The following ERBB4 variants were observed in gnomAD, a reference collection of about 807,000 sequenced individuals.
The protein encoded by ERBB4 is erb-b2 receptor tyrosine kinase 4.
Under a neutral mutation model 158.0 loss-of-function variants are expected in ERBB4, and 42 were observed. The ratio of observed to expected loss-of-function variants is 0.27; its 90% CI spans 0.21 to 0.34. The LOEUF is 0.34. ERBB4 is among the 10% of genes least tolerant of loss of function. ERBB4 has a pLI of 1.00. For missense variants in ERBB4, 1,333 were observed against 1,624.1 expected (o/e 0.82, Z 3.08); for synonymous variants, 583 against 558.7 (o/e 1.04, Z -0.61).
intron 1 of ERBB4, among the ~76,000 whole-genome samples, chr2:212,163,351 C>G (rs540048401): frequency 4.0e-5 from 6 of 151,730 alleles, no homozygotes; most frequent in South Asian, 2.1e-4. Flanking sequence ...AGGCACTATT[C>G]ATTAATAAGG....
intron 4 of ERBB4, among the ~76,000 whole-genome samples, chr2:211,772,957 T>TATATATA (rs1265057935): frequency 3.1e-4 from 35 of 113,880 alleles, no homozygotes; most frequent in African/African-American, 9.5e-4. Context: ...ATATATATAT[T>TATATATA]TTTTTTTTTA....
At chr2:211,526,162 C>T (rs2066343005) in intron 20 of ERBB4, among the ~76,000 whole-genome samples, 1 of 152,070 alleles carries the variant, frequency 6.6e-6, no homozygotes. Flanking sequence ...CTATGCTGGT[C>T]TCAGGTCTGA....
At chr2:211,669,318 C>T (rs987828688) in intron 14 of ERBB4, among the ~76,000 whole-genome samples, 3 of 151,370 alleles carry the variant, frequency 2.0e-5, no homozygotes, top group African/African-American at 7.3e-5. Flanking sequence ...TAAGCTACTG[C>T]AATATGGAGG....
chr2:212,222,804 G>A (rs2083339514), intron 1 of ERBB4, among the ~76,000 whole-genome samples: 1 of 151,356 alleles, frequency 6.6e-6, no homozygotes, highest in Non-Finnish European at 1.5e-5. Flanking sequence ...CGTGTTTAAT[G>A]TCTTTACCCC....
rs1387886091 is a variant in ERBB4, at chr2:211,971,132, G to A, written c.235-23516C>T. ...AGGATCTTATTTCTCTTTTGCTTAT[G>A]AAGCTTAGTTTGGTCATATATGAAA... On this transcript the variant is annotated intron_variant, in intron 2 of 27. Coordinates refer to ENST00000342788, the MANE Select transcript of ERBB4 (RefSeq NM_005235.3). 2.6e-5 allele frequency among the ~76,000 whole-genome samples: 4 copies of A among 152,244 alleles called. No homozygotes were observed. The East Asian group carries it at 7.7e-4, about 29-fold the overall frequency.
At chr2:212,128,834 G>A (rs2080021584) in intron 1 of ERBB4, among the ~76,000 whole-genome samples, 1 of 152,022 alleles carries the variant, frequency 6.6e-6, no homozygotes, top group Non-Finnish European at 1.5e-5. Flanking sequence ...AACATAAGGA[G>A]AAGAAGAAGA....
At chr2:211,752,505 A>G (rs2075162732) in intron 4 of ERBB4, among the ~76,000 whole-genome samples, 1 of 141,918 alleles carries the variant, frequency 7.0e-6, no homozygotes, top group African/African-American at 2.5e-5. Flanking sequence ...AAAAAAAAAA[A>G]GAAAAGAAAA....
At chr2:212,453,932 T>C (rs1271591906) in intron 1 of ERBB4, among the ~76,000 whole-genome samples, 2 of 143,200 alleles carry the variant, frequency 1.4e-5, no homozygotes, top group African/African-American at 5.3e-5. Flanking sequence ...GAAACAATAC[T>C]ATATTCCTTA....
At chr2:212,372,474 G>T (rs1336761742) in intron 1 of ERBB4, among the ~76,000 whole-genome samples, 1 of 152,102 alleles carries the variant, frequency 6.6e-6, no homozygotes. Context: ...GCCTGGCCAG[G>T]CGCGGTGGCT....
At chr2:211,887,070 C>T (rs919684828) in intron 3 of ERBB4, among the ~76,000 whole-genome samples, 4 of 152,156 alleles carry the variant, frequency 2.6e-5, no homozygotes, top group Non-Finnish European at 5.9e-5. Flanking sequence ...TAACTTTCCA[C>T]ATTACTTAAT....
chr2:211,449,942 A>C (rs1220833380), intron 20 of ERBB4, among the ~76,000 whole-genome samples: 2 of 152,236 alleles, frequency 1.3e-5, no homozygotes, highest in African/African-American at 2.4e-5. Context: ...ATGAACACTC[A>C]TCTAGCGCTT....
At chr2:212,256,814 C>A (rs1420197897) in intron 1 of ERBB4, among the ~76,000 whole-genome samples, 1 of 152,036 alleles carries the variant, frequency 6.6e-6, no homozygotes, top group Non-Finnish European at 1.5e-5. Flanking sequence ...GTAAATTTCC[C>A]AGATAAAATA....
Position 211,529,910 on chromosome 2 carries a change from A to G in ERBB4, c.2487+31993T>C, listed in dbSNP as rs554211336. On this transcript the variant is annotated intron_variant, in intron 20 of 27. Transcript: ENST00000342788. ...TCATACTGAAGGGAGAAAAACTGAA[A>G]GCCTTTTTCTCTAAGATTTGAAACG... 2.6e-5 allele frequency among the ~76,000 whole-genome samples: 4 copies of G among 152,238 alleles called. No homozygotes were observed. In the East Asian group the frequency reaches 7.7e-4, roughly 29 times the overall value.
At chr2:212,484,187 C>T (rs559855375) in intron 1 of ERBB4, among the ~76,000 whole-genome samples, 1 of 152,288 alleles carries the variant, frequency 6.6e-6, no homozygotes, top group South Asian at 2.1e-4. Context: ...TCTGGACCAT[C>T]ACTTGAAACC....
At chr2:212,107,579 G>T (rs1463914546) in intron 2 of ERBB4, among the ~76,000 whole-genome samples, 2 of 152,102 alleles carry the variant, frequency 1.3e-5, no homozygotes, top group Non-Finnish European at 2.9e-5. Flanking sequence ...TAAGACTTTG[G>T]GAGACTGTTG....
chr2:212,134,940 C>A (rs1454470468), intron 1 of ERBB4, among the ~76,000 whole-genome samples: 2 of 152,082 alleles, frequency 1.3e-5, no homozygotes, highest in African/African-American at 4.8e-5. Flanking sequence ...CCTGCCTCGG[C>A]CTCCCAAAGT....
chr2:212,060,989 A>G (rs1225232252), intron 2 of ERBB4, among the ~76,000 whole-genome samples: 1 of 151,370 alleles, frequency 6.6e-6, no homozygotes, highest in Non-Finnish European at 1.5e-5. Flanking sequence ...AAATAAATAA[A>G]TAAAATAAAA....
chr2:212,474,432 T>C (rs1689271845), intron 1 of ERBB4, among the ~76,000 whole-genome samples: 1 of 152,112 alleles, frequency 6.6e-6, no homozygotes, highest in South Asian at 2.1e-4. Context: ...TAACTGATGT[T>C]AGTATTACTG....
At chr2:212,059,134 C>T (rs2077677170) in intron 2 of ERBB4, among the ~76,000 whole-genome samples, 1 of 152,056 alleles carries the variant, frequency 6.6e-6, no homozygotes, top group South Asian at 2.1e-4. Context: ...ACAGGCATTC[C>T]TATACACCAA....
Sources: allele counts gnomAD v4.1 joint callset (sites outside exome capture counted in the v4.1 genomes callset), GRCh38; gene constraint gnomAD v4.1.1; transcripts MANE v1.5; gene names NCBI Gene and HGNC (gene_info 2026-07-23, HGNC 2026-07-21).